ZAN: variants seen among roughly 807,000 people sequenced by gnomAD.
The protein encoded by ZAN is zonadhesin (gene/pseudogene).
Under a neutral mutation model 286.2 loss-of-function variants are expected in ZAN, and 260 were observed. The observed-to-expected ratio is 0.91, with a 90% confidence interval of 0.82 to 1.01. The LOEUF (loss-of-function observed/expected upper bound fraction) is 1.01, where lower values mean the gene tolerates loss of function less well. Among genes scored for constraint, ZAN ranks in the 50% least tolerant of loss-of-function variants. ZAN has a pLI of 0.00. For missense variants in ZAN, 3,410 were observed against 3,639.2 expected, an observed-to-expected ratio of 0.94 and a Z score of 1.62; for synonymous variants, 1,368 against 1,417.5, an observed-to-expected ratio of 0.97 and a Z score of 0.79.
At chr7:100,756,378 A>G (rs1044712841) in intron 15 of ZAN, among the ~76,000 whole-genome samples, 2 of 151,646 alleles carry the variant, frequency 1.3e-5, no homozygotes, top group Non-Finnish European at 2.9e-5. Flanking sequence ...GCAGTGAGCT[A>G]TGATTGTGCC....
Position 100,760,526 on chromosome 7 carries a change from A to T in ZAN, c.3832A>T (p.Thr1278Ser). The T allele has an allele frequency of 6.2e-7, 1 of 1,613,912 alleles. No homozygotes were observed. The highest frequency in any genetic ancestry group is 8.5e-7 in the Non-Finnish European group (1 of 1,179,882). ...GGATGGTGACCAGCAGCTGTATGTT[A>T]CTGTGTCCAGGTAAGGCAGTGTCCC... ...RWDGDQQLYV[T>S]VSSTYSGKLC... is the part of the protein sequence containing the mutation. Residue 1278 changes from threonine (T) to serine (S), a missense_variant, in exon 19 of 48, where the codon ACT becomes TCT. By Grantham distance (58) the Thr-to-Ser change is moderately conservative. Transcript: ENST00000613979.
chr7:100,779,528 C>T lies in ZAN; in HGVS notation c.6400C>T (p.Leu2134Phe). ...NPSGNCRAAD[L>F]RRAREKCEAA... ...GAGTGGAAACTGCAGGGCGGCCGAC[C>T]TCCGCAGGGCGCGGGAAAAGTGCGA... Residue 2134 changes from leucine (L) to phenylalanine (F), a missense_variant, in exon 35 of 48, where the codon CTC becomes TTC. Around this residue, in one of 7 missense-constraint regions of ZAN, gnomAD observed 1,289 missense variants for 1,314.3 expected, o/e 0.98. Transcript: ENST00000613979. 6.2e-7 allele frequency: 1 copy of T among 1,612,650 alleles called. No homozygotes were observed. The highest frequency in any genetic ancestry group is 1.3e-5 in the African/African-American group (1 of 75,074).
At chr7:100,760,356 CTCTG>C (rs756001945) in intron 18 of ZAN, 31 bp from the exon 19 acceptor site, 3 of 1,607,402 alleles carry the variant, frequency 1.9e-6, no homozygotes, top group South Asian at 1.1e-5. Flanking sequence ...TGACCCCCAG[CTCTG>C]TCTGTCTCTT....
chr7:100,764,321 C>T, intron 22 of ZAN, 125 bp downstream of exon 22: 1 of 1,198,182 alleles, frequency 8.3e-7, no homozygotes, highest in Non-Finnish European at 1.1e-6. Context: ...TGGCCAACAC[C>T]CCGTCTCTAC....
intron 19 of ZAN, among the ~76,000 whole-genome samples, chr7:100,761,805 G>A (rs1204888597): frequency 6.6e-6 from 1 of 151,866 alleles, no homozygotes; most frequent in Non-Finnish European, 1.5e-5. Flanking sequence ...TGGGCGTGGT[G>A]GTGTGTGCCT....
At chr7:100,745,110 C>G (rs960662284) in intron 7 of ZAN, among the ~76,000 whole-genome samples, 1 of 151,774 alleles carries the variant, frequency 6.6e-6, no homozygotes, top group African/African-American at 2.4e-5. Context: ...TCTAGAACCC[C>G]TGACCTCAGG....
Position 100,748,412 on chromosome 7 carries a change from C to G in ZAN, c.1191C>G (p.Leu397=). 5 of 1,613,936 alleles carry G rather than the reference C, an allele frequency of 3.1e-6. No individual in the cohort carries two copies. Among genetic ancestry groups the G allele is most frequent in the Non-Finnish European group, 4.2e-6 (5 of 1,179,894 alleles). Residue 397 remains leucine, a synonymous_variant, in exon 11 of 48, where the codon CTC becomes CTG. Coordinates refer to ENST00000613979, the MANE Select transcript of ZAN (RefSeq NM_003386.3). Reference sequence around the variant, plus strand: ...CCGGGGATGGTGGACACTGGGCCCTCGGACATAAAAATGGACCCGTCCATG... The same window carrying G: ...CCGGGGATGGTGGACACTGGGCCCTGGGACATAAAAATGGACCCGTCCATG... ...QTSGDGGHWA[L]GHKNGPVHGM...
At chr7:100,790,029 C>T (rs544116610) in intron 39 of ZAN, among the ~76,000 whole-genome samples, 7 of 149,990 alleles carry the variant, frequency 4.7e-5, no homozygotes, top group East Asian at 4.0e-4. Flanking sequence ...GAGGCTGAGA[C>T]GGGAGGATCG....
In ZAN at chr7:100,750,765, A is replaced by G; in HGVS notation, c.1390A>G (p.Met464Val). ...YHMYGLGEGT[M>V]LELLLGSPAG... is the part of the protein sequence containing the mutation. ...CATGTATGGCCTTGGGGAGGGTACT[A>G]TGCTCGAACTCCTCCTGGGAAGTCC... The change falls in exon 12 of 48, where the codon ATG becomes GTG. Residue 464 changes from methionine (M) to valine (V), a missense_variant. This residue lies in a region of ZAN where 872 missense variants were observed against 938.9 expected (regional missense o/e 0.93). Transcript: ENST00000613979. 6.2e-7 allele frequency: 1 copy of G among 1,613,174 alleles called. No individual in the cohort carries two copies. The highest frequency in any genetic ancestry group is 2.2e-5 in the East Asian group (1 of 44,862).
intron 15 of ZAN, among the ~76,000 whole-genome samples, chr7:100,757,538 TGAG>T (rs892593088): frequency 1.7e-3 from 264 of 151,868 alleles, no homozygotes; most frequent in African/African-American, 5.8e-3. Flanking sequence ...GCGGATCACC[TGAG>T]GTCAGGAGTT....
Position 100,734,631 on chromosome 7 carries a change from A to G in ZAN, c.53+410A>G, listed in dbSNP as rs1037039271. 4.3e-5 allele frequency among the ~76,000 whole-genome samples: 6 copies of G among 138,486 alleles called. 1 individual carries two copies. Among genetic ancestry groups the G allele is most frequent in the African/African-American group, 1.6e-4 (6 of 37,852 alleles). The allele number at this position is 138,486 out of a possible 152,430, so 90.9% of individuals were successfully genotyped here. On this transcript the variant is annotated intron_variant, in intron 2 of 47. Transcript: ENST00000613979. ...GAGACTCCGTCTCAAAAAAAAAAAAACAAAAAAAAAGACCTTGAGAGGAAG... is the reference window on the plus strand; with the variant it reads ...GAGACTCCGTCTCAAAAAAAAAAAAGCAAAAAAAAAGACCTTGAGAGGAAG...
Position 100,787,886 on chromosome 7 carries a change from CAG to C in ZAN, c.6980_6981del. ...CCCTTCTCACTGTCTGACTTCTTGG[CAG>C]AGTCTGAACAATGCTCAGTCTATGG... On this transcript the variant is annotated splice_acceptor_variant, in intron 37 of 47. Coordinates refer to ENST00000613979, the MANE Select transcript of ZAN (RefSeq NM_003386.3). LOFTEE classifies it high-confidence loss of function. The C allele has an allele frequency of 6.7e-7, 1 of 1,497,992 alleles. No individual in the cohort carries two copies. Among genetic ancestry groups the C allele is most frequent in the African/African-American group, 1.4e-5 (1 of 73,222 alleles). 92.8% of individuals were successfully genotyped at this position (1,497,992 alleles called of 1,614,324 possible). A position where few individuals can be genotyped will look rare whatever the true frequency, so the allele number is the denominator to read the frequency against.
chr7:100,762,936 A>G (rs368413573), intron 20 of ZAN, among the ~76,000 whole-genome samples: 43 of 149,588 alleles, frequency 2.9e-4, no homozygotes, highest in African/African-American at 9.8e-4. Context: ...TTCTCACCAG[A>G]TGGGGGGTTG....
intron 35 of ZAN, among the ~76,000 whole-genome samples, chr7:100,783,360 T>C (rs1811314697): frequency 6.6e-6 from 1 of 151,996 alleles, no homozygotes; most frequent in African/African-American, 2.4e-5. Context: ...TTTAGGGAGT[T>C]CCTGGCTTTT....
rs374775569 is a variant in ZAN at position 100,779,597 on chromosome 7, A to G, written c.6469A>G (p.Ile2157Val). The G allele has an allele frequency of 3.8e-5, 61 of 1,608,610 alleles. No homozygotes were observed. In the African/African-American group the frequency reaches 3.9e-4, roughly 10 times the overall value. Residue 2157 changes from isoleucine to valine, a missense_variant, in exon 35 of 48, where the codon ATA (isoleucine) becomes GTA (valine). Ile to Val is a conservative substitution (Grantham distance 29). This residue lies in a region of ZAN where 1,289 missense variants were observed against 1,314.3 expected (regional missense o/e 0.98). Transcript: ENST00000613979. The part of the protein sequence containing the change: ...APVWAQCASR[I>V]DLTPFLVDCA... ...TGTGTGGGCCCAGTGCGCCTCCCGCATAGACCTCACGCCCTTCCTGGTGGA... is the reference window on the plus strand; with the variant it reads ...TGTGTGGGCCCAGTGCGCCTCCCGCGTAGACCTCACGCCCTTCCTGGTGGA...
At chr7:100,762,096 C>T in intron 19 of ZAN, 119 bp from the exon 20 acceptor site, 1 of 1,320,142 alleles carries the variant, frequency 7.6e-7, no homozygotes, top group East Asian at 2.5e-5. Context: ...GTCCGCACCT[C>T]TTCATCCTCC....
intron 19 of ZAN, among the ~76,000 whole-genome samples, chr7:100,760,738 G>C (rs759802912): frequency 8.5e-5 from 13 of 152,086 alleles, no homozygotes; most frequent in Non-Finnish European, 1.5e-4. Flanking sequence ...AATGGTTTCG[G>C]GGCATGTGAT....
intron 19 of ZAN, among the ~76,000 whole-genome samples, chr7:100,761,057 A>G (rs1222007910): frequency 1.3e-5 from 2 of 151,934 alleles, no homozygotes; most frequent in Non-Finnish European, 1.5e-5. Flanking sequence ...CACCATGCCC[A>G]GCTAATTTTT....
chr7:100,761,022 A>G lies in ZAN; in HGVS notation c.3842+486A>G, dbSNP rs575591063. On this transcript the variant is annotated intron_variant, in intron 19 of 47. Transcript: ENST00000613979. ...GCAATTCTCCTGCCTCAGCCTCCCAAGTAGCTGGGATTACAGGCGCACACC... is the reference window on the plus strand; with the variant it reads ...GCAATTCTCCTGCCTCAGCCTCCCAGGTAGCTGGGATTACAGGCGCACACC... Among the ~76,000 whole-genome samples the G allele has an allele frequency of 5.3e-4, 80 of 152,088 alleles. No homozygotes were observed. In the South Asian group the frequency reaches 7.1e-3, roughly 13 times the overall value.
Sources: gnomAD v4.1 joint callset for allele counts (sites outside exome capture counted in the v4.1 genomes callset) on GRCh38, gnomAD v4.1.1 for gene constraint, gnomAD v4.1.1 regional missense constraint, MANE v1.5 for transcripts, NCBI Gene and HGNC (gene_info 2026-07-23, HGNC 2026-07-21) for gene names.